The following SHTN1 variants were observed in gnomAD, a reference collection of about 807,000 sequenced individuals.
The protein encoded by SHTN1 is shootin-1.
A neutral mutation model predicts 83.1 loss-of-function variants in SHTN1; 42 were observed. That is an observed-to-expected ratio of 0.51 (90% confidence interval 0.39 to 0.65). The LOEUF (loss-of-function observed/expected upper bound fraction) is 0.65, where lower values mean the gene tolerates loss of function less well. SHTN1 is among the 30% of genes least tolerant of loss of function. The pLI, the probability that SHTN1 is intolerant of heterozygous loss-of-function variation, is 0.00. For missense variants in SHTN1, 622 were observed against 737.8 expected (o/e 0.84, Z 1.82); for synonymous variants, 224 against 247.7 (o/e 0.90, Z 0.90).
At chr10:116,903,236 T>TAA (rs1452467215) in intron 15 of SHTN1, among the ~76,000 whole-genome samples, 1 of 152,200 alleles carries the variant, frequency 6.6e-6, no homozygotes, top group Non-Finnish European at 1.5e-5. Flanking sequence ...TATTTTGATC[T>TAA]AAAAGGCCTT....
chr10:116,911,690 G>A lies in SHTN1; in HGVS notation c.1359+100C>T, dbSNP rs977044386. On this transcript the variant is annotated intron_variant, in intron 14 of 16. Transcript: ENST00000355371. ...CCAAAGATGAGGCTAATTGTAAATG[G>A]GAATAAAACACACCACAAACAATTC... The A allele has an allele frequency of 2.6e-5, 41 of 1,578,026 alleles. No individual in the cohort carries two copies. The East Asian group carries it at 9.2e-4, about 35-fold the overall frequency.
chr10:117,050,945 C>G (rs901055373), intron 1 of SHTN1, among the ~76,000 whole-genome samples: 1 of 152,068 alleles, frequency 6.6e-6, no homozygotes, highest in Non-Finnish European at 1.5e-5. Context: ...GTAGTCCTAG[C>G]TACTGAGGAA....
intron 2 of SHTN1, among the ~76,000 whole-genome samples, chr10:117,030,000 T>A (rs902662768): frequency 1.3e-5 from 2 of 151,826 alleles, no homozygotes; most frequent in African/African-American, 2.4e-5. Flanking sequence ...GCTATTCTCC[T>A]GTCTCAGCCT....
intron 1 of SHTN1, among the ~76,000 whole-genome samples, chr10:117,075,461 T>C (rs1853138749): frequency 6.6e-6 from 1 of 152,226 alleles, no homozygotes; most frequent in Non-Finnish European, 1.5e-5. Context: ...AGGTATTCTG[T>C]TAGACACTGA....
At chr10:117,101,303 A>G (rs1853588950) in intron 1 of SHTN1, among the ~76,000 whole-genome samples, 1 of 152,204 alleles carries the variant, frequency 6.6e-6, no homozygotes, top group South Asian at 2.1e-4. Flanking sequence ...AGGGATAGGC[A>G]GCTACATGGA....
At chr10:116,916,965 G>A (rs189344367) in intron 12 of SHTN1, among the ~76,000 whole-genome samples, 5 of 152,240 alleles carry the variant, frequency 3.3e-5, no homozygotes, top group Admixed American at 2.6e-4. Flanking sequence ...AAGCAACATG[G>A]GAAACATGGT....
intron 2 of SHTN1, among the ~76,000 whole-genome samples, chr10:116,974,727 TA>T (rs747320120): frequency 2.6e-5 from 4 of 152,104 alleles, no homozygotes; most frequent in Non-Finnish European, 1.5e-5. Flanking sequence ...TCTTCTATTA[TA>T]CAGATTTCCT....
intron 12 of SHTN1, among the ~76,000 whole-genome samples, chr10:116,917,958 C>A (rs1179983496): frequency 6.6e-6 from 1 of 152,178 alleles, no homozygotes; most frequent in Non-Finnish European, 1.5e-5. Flanking sequence ...CTCTTGCCGA[C>A]CCTGTTTTTG....
At chr10:116,995,772 G>C (rs1374530236) in intron 1 of SHTN1, among the ~76,000 whole-genome samples, 1 of 151,792 alleles carries the variant, frequency 6.6e-6, no homozygotes, top group Non-Finnish European at 1.5e-5. Flanking sequence ...CAGTTTAATG[G>C]GGCCAATAAA....
chr10:117,046,181 T>C (rs1272012769), intron 2 of SHTN1, among the ~76,000 whole-genome samples: 4 of 151,838 alleles, frequency 2.6e-5, no homozygotes, highest in African/African-American at 9.7e-5. Context: ...CCAACCCAGA[T>C]AAACACACAC....
intron 1 of SHTN1, among the ~76,000 whole-genome samples, chr10:117,068,323 G>C (rs1378532337): frequency 6.6e-6 from 1 of 152,180 alleles, no homozygotes; most frequent in Non-Finnish European, 1.5e-5. Flanking sequence ...CCAGGAGGCA[G>C]AGGTTGCAGT....
chr10:117,006,232 TTTTTTTTG>T (rs1411272636), upstream of SHTN1, among the ~76,000 whole-genome samples: 2 of 21,058 alleles, frequency 9.5e-5, no homozygotes, highest in African/African-American at 1.1e-4. Context: ...ATAATGCAGT[TTTTTTTTG>T]TTTTTTTTTT....
chr10:116,943,163 A>G (rs1332123310), intron 8 of SHTN1, among the ~76,000 whole-genome samples: 1 of 152,150 alleles, frequency 6.6e-6, no homozygotes, highest in East Asian at 1.9e-4. Context: ...CTACCTTCTC[A>G]TTCTGGGTTA....
chr10:116,894,657 T>C (rs1405983163), intron 16 of SHTN1, among the ~76,000 whole-genome samples: 3 of 152,198 alleles, frequency 2.0e-5, no homozygotes, highest in Non-Finnish European at 4.4e-5. Flanking sequence ...TTCTCCCTTT[T>C]GAAGTAAGGT....
At chr10:117,062,894 C>T (rs1852923741) in intron 1 of SHTN1, among the ~76,000 whole-genome samples, 1 of 151,994 alleles carries the variant, frequency 6.6e-6, no homozygotes, top group Non-Finnish European at 1.5e-5. Context: ...AGAATTATTT[C>T]TTCATTCATG....
intron 11 of SHTN1, among the ~76,000 whole-genome samples, chr10:116,926,001 A>AC (rs1848731513): frequency 6.9e-6 from 1 of 145,004 alleles, no homozygotes; most frequent in Admixed American, 6.8e-5. Context: ...CACTCCTCAC[A>AC]AAAAAAAAAC....
At chr10:116,888,768 C>T (rs1330589033) in intron 16 of SHTN1, among the ~76,000 whole-genome samples, 1 of 152,192 alleles carries the variant, frequency 6.6e-6, no homozygotes, top group Non-Finnish European at 1.5e-5. Context: ...ACAGAGCCTG[C>T]CCTACACGGA....
intron 1 of SHTN1, among the ~76,000 whole-genome samples, chr10:116,993,017 C>CTTTTTTTTTTTTTTTTTT (rs35364697): frequency 1.6e-5 from 2 of 121,224 alleles, no homozygotes; most frequent in Non-Finnish European, 3.2e-5. Context: ...TCTTTTTTTT[C>CTTTTTTTTTTTTTTTTTT]TTTTTTTTTT....
intron 1 of SHTN1, among the ~76,000 whole-genome samples, chr10:117,077,165 C>G (rs964328621): frequency 3.3e-5 from 5 of 152,158 alleles, no homozygotes; most frequent in African/African-American, 1.2e-4. Flanking sequence ...CAAAGTAAAT[C>G]TTGAGTTTCA....
Sources: gnomAD v4.1 joint callset for allele counts (sites outside exome capture counted in the v4.1 genomes callset) on GRCh38, gnomAD v4.1.1 for gene constraint, MANE v1.5 for transcripts, NCBI Gene and HGNC (gene_info 2026-07-23, HGNC 2026-07-21) for gene names.